The following FOXN2 variants were observed in gnomAD, a reference collection of about 807,000 sequenced individuals.
FOXN2 encodes the protein forkhead box N2.
FOXN2 carries 19 observed loss-of-function variants against 41.2 expected under a neutral mutation model. The observed-to-expected ratio is 0.46, with a 90% confidence interval of 0.32 to 0.68. The LOEUF (loss-of-function observed/expected upper bound fraction) is 0.68. Ranked by LOEUF, FOXN2 falls within the 30% of genes least tolerant of loss-of-function variation. FOXN2 has a pLI of 0.03. For synonymous variants in FOXN2, 195 were observed against 176.8 expected, an observed-to-expected ratio of 1.10 and a Z score of -0.82; for missense variants, 587 against 509.4, an observed-to-expected ratio of 1.15 and a Z score of -1.47.
chr2:48,327,633 C>G (rs556184607), intron 1 of FOXN2, among the ~76,000 whole-genome samples: 1 of 151,976 alleles, frequency 6.6e-6, no homozygotes, highest in Non-Finnish European at 1.5e-5. Context: ...TTAGTAGAGA[C>G]GGTGTTTCTC....
intron 1 of FOXN2, among the ~76,000 whole-genome samples, chr2:48,320,004 T>TA (rs1369448647): frequency 6.6e-6 from 1 of 151,878 alleles, no homozygotes; most frequent in African/African-American, 2.4e-5. Context: ...ACCTTGGAGA[T>TA]AGAGAATTGA....
At position 48,376,559 on chromosome 2, in the gene FOXN2, T is replaced by TA. The variant is rs549033105; in HGVS notation, c.*1117dup. ...TCAAAATTCATATAAAATTTGATCT[T>TA]ATGCAATACACCTTTTTGAGGAGGC... is the stretch of plus-strand genomic sequence containing the variant. On this transcript the variant is annotated 3_prime_UTR_variant, in exon 7 of 7. Transcript: ENST00000340553. The TA allele has an allele frequency of 6.6e-5, 10 of 152,648 alleles. No individual in the cohort carries two copies. In the South Asian group the frequency reaches 2.1e-3, roughly 32 times the overall value. The allele number at this position is 152,648 out of a possible 1,614,324, so 9.5% of individuals were successfully genotyped here.
At chr2:48,348,718 C>T (rs1329775468) in intron 3 of FOXN2, among the ~76,000 whole-genome samples, 1 of 152,214 alleles carries the variant, frequency 6.6e-6, no homozygotes, top group Non-Finnish European at 1.5e-5. Flanking sequence ...CATCAGTACA[C>T]CACACTCTTC....
chr2:48,364,652 A>T (rs1002084024), intron 5 of FOXN2, among the ~76,000 whole-genome samples: 3 of 152,276 alleles, frequency 2.0e-5, no homozygotes, highest in Admixed American at 6.5e-5. Flanking sequence ...ATCTTAGACT[A>T]GAAAAGGGGT....
intron 2 of FOXN2, among the ~76,000 whole-genome samples, chr2:48,341,774 C>T (rs1222381298): frequency 6.6e-6 from 1 of 152,198 alleles, no homozygotes; most frequent in Non-Finnish European, 1.5e-5. Context: ...TAGCCTATTT[C>T]GGGTTCAGCT....
At chr2:48,365,430 T>C (rs11125170) in intron 5 of FOXN2, among the ~76,000 whole-genome samples, 28,126 of 152,244 alleles carry the variant, frequency 0.18, 2,910 homozygotes, top group South Asian at 0.27. Context: ...ACTTATTCTC[T>C]AAAGCTCAGT....
At chr2:48,363,450 A>G (rs749474178) in intron 5 of FOXN2, among the ~76,000 whole-genome samples, 5 of 152,184 alleles carry the variant, frequency 3.3e-5, no homozygotes, top group Non-Finnish European at 7.4e-5. Context: ...AAAAAATTAA[A>G]AAATCAATTT....
chr2:48,341,771 T>C (rs1306581718), intron 2 of FOXN2, among the ~76,000 whole-genome samples: 2 of 152,238 alleles, frequency 1.3e-5, no homozygotes, highest in East Asian at 3.8e-4. Context: ...TGTTAGCCTA[T>C]TTCGGGTTCA....
intron 5 of FOXN2, 135 bp downstream of exon 5, chr2:48,362,842 T>A (rs551577526): frequency 2.8e-6 from 2 of 712,144 alleles, no homozygotes; most frequent in South Asian, 1.7e-5. Context: ...CCTGGTAGCT[T>A]GTTGTAACAT....
intron 1 of FOXN2, among the ~76,000 whole-genome samples, chr2:48,318,735 G>C (rs1227540313): frequency 6.6e-6 from 1 of 152,168 alleles, no homozygotes; most frequent in Non-Finnish European, 1.5e-5. Context: ...TAGGTGCTAA[G>C]AATACAGTGG....
At chr2:48,374,580 T>C (rs1284841747) in intron 6 of FOXN2, among the ~76,000 whole-genome samples, 1 of 152,152 alleles carries the variant, frequency 6.6e-6, no homozygotes, top group Non-Finnish European at 1.5e-5. Flanking sequence ...AGGATTTGTA[T>C]TGCAGCATGA....
chr2:48,325,715 G>A (rs1669618014), intron 1 of FOXN2, among the ~76,000 whole-genome samples: 1 of 152,100 alleles, frequency 6.6e-6, no homozygotes, highest in African/African-American at 2.4e-5. Context: ...CTTTCAGTTA[G>A]TCAGGAAAGA....
rs571859690 is a variant in FOXN2 at position 48,352,208 on chromosome 2, A to G, written c.537+5457A>G. On this transcript the variant is annotated intron_variant, in intron 3 of 6. Coordinates refer to ENST00000340553, the MANE Select transcript of FOXN2 (RefSeq NM_002158.4). ...ATATCTGAATTCATTTGCCAAAGGA[A>G]TGTTACAGTTAGTAGTACCATGCAA... Among the ~76,000 whole-genome samples, 4 of 152,328 alleles carry G rather than the reference A, an allele frequency of 2.6e-5. No homozygotes were observed. The East Asian group carries it at 5.8e-4, about 22-fold the overall frequency.
intron 1 of FOXN2, among the ~76,000 whole-genome samples, chr2:48,319,855 C>G (rs1392118507): frequency 5.3e-5 from 7 of 132,546 alleles, no homozygotes; most frequent in Admixed American, 4.9e-4. Flanking sequence ...TCGTCTCAAA[C>G]TCCTGGGCTC....
At chr2:48,336,088 G>A (rs1338929075) in intron 2 of FOXN2, among the ~76,000 whole-genome samples, 5 of 149,602 alleles carry the variant, frequency 3.3e-5, no homozygotes, top group Non-Finnish European at 5.9e-5. Context: ...AGGAGAAGGT[G>A]ATTGGAGCTA....
At chr2:48,350,581 C>T (rs1268441200) in intron 3 of FOXN2, among the ~76,000 whole-genome samples, 2 of 152,240 alleles carry the variant, frequency 1.3e-5, no homozygotes, top group African/African-American at 4.8e-5. Context: ...GTCTGTCCTA[C>T]ACCACTATCT....
intron 3 of FOXN2, among the ~76,000 whole-genome samples, chr2:48,353,877 A>G (rs1175472493): frequency 6.6e-6 from 1 of 151,618 alleles, no homozygotes; most frequent in African/African-American, 2.4e-5. Context: ...ATATTTCATA[A>G]TTATTTTATG....
At chr2:48,335,258 A>G (rs1670260676) in intron 2 of FOXN2, among the ~76,000 whole-genome samples, 1 of 152,240 alleles carries the variant, frequency 6.6e-6, no homozygotes, top group African/African-American at 2.4e-5. Context: ...ACATGTTGAA[A>G]AGGAACCAGA....
At chr2:48,373,407 A>G (rs760808708) in intron 6 of FOXN2, 47 bp downstream of exon 6, 3 of 1,083,668 alleles carry the variant, frequency 2.8e-6, no homozygotes, top group Non-Finnish European at 4.1e-6. Context: ...TGCCTTTTCA[A>G]ATTTAACCTA....
Sources: allele counts gnomAD v4.1 joint callset (sites outside exome capture counted in the v4.1 genomes callset), GRCh38; gene constraint gnomAD v4.1.1; transcripts MANE v1.5; gene names NCBI Gene and HGNC (gene_info 2026-07-23, HGNC 2026-07-21).